The following LAMA2 variants were observed in gnomAD, a reference collection of about 807,000 sequenced individuals.
LAMA2 encodes laminin subunit alpha-2.
In LAMA2, 269 loss-of-function variants were observed where a neutral mutation model predicts 364.8. That is an observed-to-expected ratio of 0.74 (90% CI 0.67 to 0.82). The LOEUF is 0.82. LAMA2 is among the 40% of genes least tolerant of loss of function. LAMA2 has a pLI of 0.00. For synonymous variants in LAMA2, 1,379 were observed against 1,370.6 expected (o/e 1.01, Z -0.14); for missense variants, 3,807 against 3,873.2 (o/e 0.98, Z 0.45).
chr6:129,496,354 C>T (rs947016999), intron 58 of LAMA2, among the ~76,000 whole-genome samples: 17 of 152,166 alleles, frequency 1.1e-4, no homozygotes, highest in African/African-American at 2.4e-4. Context: ...TTAGTAGAGA[C>T]GGGATTTCTC....
At chr6:129,465,051 C>A in intron 50 of LAMA2, 94 bp from the exon 51 acceptor site, 1 of 990,820 alleles carries the variant, frequency 1.0e-6, no homozygotes, top group South Asian at 1.3e-5. Context: ...AGCAATTTAG[C>A]CACAAGACCC....
At chr6:128,965,677 C>T (rs1020307802) in intron 1 of LAMA2, among the ~76,000 whole-genome samples, 2 of 151,928 alleles carry the variant, frequency 1.3e-5, no homozygotes, top group African/African-American at 4.8e-5. Context: ...AAACAATCAT[C>T]GATGACATTA....
At chr6:128,979,257 G>T (rs1782718014) in intron 1 of LAMA2, among the ~76,000 whole-genome samples, 2 of 152,242 alleles carry the variant, frequency 1.3e-5, no homozygotes, top group Middle Eastern at 3.4e-3. Context: ...ACAGTATCTG[G>T]CATATCTCCT....
intron 44 of LAMA2, among the ~76,000 whole-genome samples, chr6:129,444,326 C>G (rs1701488829): frequency 6.6e-6 from 1 of 152,150 alleles, no homozygotes; most frequent in Admixed American, 6.5e-5. Context: ...TAATCTAAAT[C>G]TAAATCATTT....
chr6:129,065,507 C>A (rs554190322), intron 3 of LAMA2, among the ~76,000 whole-genome samples: 1 of 152,110 alleles, frequency 6.6e-6, no homozygotes, highest in East Asian at 1.9e-4. Context: ...ATATAGAAAA[C>A]CCTGACTCCA....
At chr6:128,884,758 T>G (rs563269577) in intron 1 of LAMA2, among the ~76,000 whole-genome samples, 1 of 152,350 alleles carries the variant, frequency 6.6e-6, no homozygotes, top group Middle Eastern at 3.4e-3. Flanking sequence ...TACTTTTAAC[T>G]ATTAAACTTT....
intron 30 of LAMA2, among the ~76,000 whole-genome samples, chr6:129,348,871 A>G (rs1057356632): frequency 4.6e-5 from 7 of 152,136 alleles, no homozygotes; most frequent in African/African-American, 1.7e-4. Flanking sequence ...TCAAGAAAAA[A>G]AATTTATATA....
intron 28 of LAMA2, among the ~76,000 whole-genome samples, chr6:129,323,577 T>C (rs1263588832): frequency 6.6e-6 from 1 of 152,168 alleles, no homozygotes; most frequent in Non-Finnish European, 1.5e-5. Flanking sequence ...CACCATTTCC[T>C]CACCAGATTT....
intron 1 of LAMA2, among the ~76,000 whole-genome samples, chr6:128,935,934 A>G (rs551355705): frequency 6.6e-6 from 1 of 152,274 alleles, no homozygotes; most frequent in Admixed American, 6.5e-5. Context: ...CCCAAATGTC[A>G]AAGGAAACCA....
At chr6:129,437,631 T>C (rs1311374233) in intron 41 of LAMA2, among the ~76,000 whole-genome samples, 1 of 152,100 alleles carries the variant, frequency 6.6e-6, no homozygotes, top group Non-Finnish European at 1.5e-5. Flanking sequence ...AAATGAGCTG[T>C]TGTATCCAGT....
chr6:129,279,283 G>A (rs1788541557), intron 17 of LAMA2, among the ~76,000 whole-genome samples: 1 of 152,140 alleles, frequency 6.6e-6, no homozygotes, highest in Non-Finnish European at 1.5e-5. Context: ...CTCTCACAAG[G>A]CAAAGAAGCA....
chr6:129,389,221 A>C (rs1779187685), intron 35 of LAMA2, among the ~76,000 whole-genome samples: 1 of 152,196 alleles, frequency 6.6e-6, no homozygotes, highest in Non-Finnish European at 1.5e-5. Context: ...GAATGGCCAT[A>C]TTTGTTCTTT....
At chr6:129,279,484 G>A (rs557722778) in intron 17 of LAMA2, among the ~76,000 whole-genome samples, 1 of 152,276 alleles carries the variant, frequency 6.6e-6, no homozygotes, top group African/African-American at 2.4e-5. Flanking sequence ...TTTATGATAA[G>A]TTTAGGTAGA....
In LAMA2 at chr6:129,046,744, CTCA is replaced by C. The variant is rs200715040; in HGVS notation, c.113-3169_113-3167del. On this transcript the variant is annotated intron_variant, in intron 1 of 64. Coordinates refer to ENST00000421865, the MANE Select transcript of LAMA2 (RefSeq NM_000426.4). ...TTACAGATTCAAGTACTCTGACTCA[CTCA>C]TCATTTACATAAGCTTTCAGCAGAG... is the stretch of plus-strand genomic sequence containing the variant. Among the ~76,000 whole-genome samples the C allele has an allele frequency of 5.7e-3, 872 of 152,260 alleles. 8 individuals are homozygous for C. The highest frequency in any genetic ancestry group is 0.02 in the African/African-American group (832 of 41,548).
chr6:129,398,517 C>T (rs1419662268), intron 37 of LAMA2, among the ~76,000 whole-genome samples: 2 of 145,980 alleles, frequency 1.4e-5, no homozygotes, highest in Admixed American at 1.4e-4. Context: ...CTCTTGTCAC[C>T]CAGGCTGGAT....
intron 22 of LAMA2, among the ~76,000 whole-genome samples, chr6:129,311,106 A>T (rs1031394122): frequency 6.6e-6 from 1 of 151,924 alleles, no homozygotes; most frequent in Non-Finnish European, 1.5e-5. Flanking sequence ...GCTAAATAAT[A>T]CAAAAATAAT....
intron 1 of LAMA2, among the ~76,000 whole-genome samples, chr6:129,019,247 C>G (rs890829998): frequency 6.6e-6 from 1 of 151,694 alleles, no homozygotes; most frequent in East Asian, 1.9e-4. Flanking sequence ...AATGGCAGGC[C>G]CATTCAATTT....
chr6:128,954,982 C>CAA (rs368505869), intron 1 of LAMA2, among the ~76,000 whole-genome samples: 1,628 of 142,058 alleles, frequency 0.011, 29 homozygotes, highest in African/African-American at 0.036. Context: ...CAGGTGTGAG[C>CAA]AAAAAAAAAA....
chr6:129,287,579 A>T (rs898975330), intron 18 of LAMA2, among the ~76,000 whole-genome samples: 1 of 152,146 alleles, frequency 6.6e-6, no homozygotes, highest in East Asian at 1.9e-4. Flanking sequence ...GCAGATTCTT[A>T]TTATGCTTTG....
Sources: gnomAD v4.1 joint callset for allele counts (sites outside exome capture counted in the v4.1 genomes callset) on GRCh38, gnomAD v4.1.1 for gene constraint, MANE v1.5 for transcripts, NCBI Gene and HGNC (gene_info 2026-07-23, HGNC 2026-07-21) for gene names.